The following CSDE1 variants were observed in gnomAD, a reference collection of about 807,000 sequenced individuals.
CSDE1 encodes the protein cold shock domain-containing protein E1.
CSDE1 carries 17 observed loss-of-function variants against 89.3 expected under a neutral mutation model. The ratio of observed to expected loss-of-function variants is 0.19; its 90% confidence interval spans 0.13 to 0.29. The LOEUF (loss-of-function observed/expected upper bound fraction) is 0.29, where lower values mean the gene tolerates loss of function less well. CSDE1 is among the 10% of genes least tolerant of loss of function. The pLI is 1.00. For missense variants in CSDE1, 672 were observed against 984.2 expected (o/e 0.68, Z 4.24); for synonymous variants, 322 against 332.8 (o/e 0.97, Z 0.35).
intron 3 of CSDE1, among the ~76,000 whole-genome samples, chr1:114,738,463 C>T (rs1348690239): frequency 6.6e-6 from 1 of 151,870 alleles, no homozygotes; most frequent in East Asian, 1.9e-4. Flanking sequence ...TTTTAAACTC[C>T]TCTGTACCTC....
At position 114,718,055 on chromosome 1, in the gene CSDE1, A is replaced by G; in HGVS notation, c.*114T>C. ...GTGTTAAAACTGGTGTAATAGCTCA[A>G]TAGAATAAGTATTCCAGATTTCGGG... is the stretch of plus-strand genomic sequence containing the variant. On this transcript the variant is annotated 3_prime_UTR_variant, in exon 20 of 20. Coordinates refer to ENST00000358528, the MANE Select transcript of CSDE1 (RefSeq NM_001007553.3). The G allele has an allele frequency of 2.9e-6, 3 of 1,035,194 alleles. No individual in the cohort carries two copies. The highest frequency in any genetic ancestry group is 4.5e-6 in the Non-Finnish European group (3 of 667,972). The allele number at this position is 1,035,194 out of a possible 1,614,324, so 64.1% of individuals were successfully genotyped here. A position where few individuals can be genotyped will look rare whatever the true frequency, so the allele number is the denominator to read the frequency against.
chr1:114,725,820 G>A (rs1471788880), intron 14 of CSDE1, among the ~76,000 whole-genome samples: 1 of 152,098 alleles, frequency 6.6e-6, no homozygotes, highest in Non-Finnish European at 1.5e-5. Context: ...AATTTTTGTG[G>A]AGATGGAGTT....
intron 2 of CSDE1, among the ~76,000 whole-genome samples, chr1:114,740,522 C>A (rs1329980971): frequency 1.3e-5 from 2 of 152,160 alleles, no homozygotes; most frequent in Non-Finnish European, 2.9e-5. Flanking sequence ...AAAAGCATTT[C>A]CATTTTAAAA....
rs372889272 is a variant in CSDE1 at position 114,718,263 on chromosome 1, CACA to C, written c.2350-50_2350-48del. 1,811 of 1,572,544 alleles carry C rather than the reference CACA, an allele frequency of 1.2e-3. 19 individuals are homozygous for C. The African/African-American group carries it at 0.022, about 19-fold the overall frequency. On this transcript the variant is annotated intron_variant, in intron 19 of 19. Transcript: ENST00000358528. ...AACCCTGCAGTTAATGATTTGAGCGCACAACAATCATAGTACATTCACTATTCC... is the reference window on the plus strand; with the variant it reads ...AACCCTGCAGTTAATGATTTGAGCGCACAATCATAGTACATTCACTATTCC...
At chr1:114,742,972 C>T (rs898461467) in intron 2 of CSDE1, among the ~76,000 whole-genome samples, 1 of 152,112 alleles carries the variant, frequency 6.6e-6, no homozygotes, top group African/African-American at 2.4e-5. Flanking sequence ...CTATTTGTAC[C>T]ACTGTGTTTT....
chr1:114,736,602 C>T (rs1481735426), intron 6 of CSDE1, among the ~76,000 whole-genome samples, 156 bp downstream of exon 6: 1 of 146,468 alleles, frequency 6.8e-6, no homozygotes, highest in Non-Finnish European at 1.5e-5. Context: ...GGCTGTAATA[C>T]AATATTCATA....
chr1:114,745,452 T>C (rs1450305246), intron 2 of CSDE1, among the ~76,000 whole-genome samples: 1 of 152,170 alleles, frequency 6.6e-6, no homozygotes, highest in African/African-American at 2.4e-5. Context: ...TACAGTATGA[T>C]TTCAAATGTA....
Position 114,753,156 on chromosome 1 carries a change from C to A in CSDE1, c.-387-2949G>T, listed in dbSNP as rs1661398259. On this transcript the variant is annotated intron_variant, in intron 1 of 19. Transcript: ENST00000358528. ...TAATGCTTTAGGTGTATTAATGAAC[C>A]CAAAGAACTCAACATGGAGAAAACA... Among the ~76,000 whole-genome samples, 3 of 152,200 alleles carry A rather than the reference C, an allele frequency of 2.0e-5. No individual in the cohort carries two copies. The South Asian group carries it at 6.2e-4, about 32-fold the overall frequency.
At chr1:114,750,542 T>C (rs1386025802) in intron 1 of CSDE1, among the ~76,000 whole-genome samples, 1 of 151,978 alleles carries the variant, frequency 6.6e-6, no homozygotes, top group Non-Finnish European at 1.5e-5. Flanking sequence ...AAGAAGTCCC[T>C]GCCATGAGAG....
chr1:114,722,431 G>T (rs1659578993), intron 16 of CSDE1, among the ~76,000 whole-genome samples: 1 of 152,238 alleles, frequency 6.6e-6, no homozygotes, highest in Non-Finnish European at 1.5e-5. Flanking sequence ...TTATATGCTA[G>T]AACGGTGTCC....
intron 2 of CSDE1, among the ~76,000 whole-genome samples, chr1:114,743,237 C>T (rs561489897): frequency 1.8e-4 from 27 of 152,246 alleles, no homozygotes; most frequent in African/African-American, 6.5e-4. Flanking sequence ...TGTCACCCAG[C>T]CTGGAGTGCA....
intron 16 of CSDE1, 81 bp downstream of exon 16, chr1:114,723,802 A>T: frequency 6.3e-7 from 1 of 1,582,076 alleles, no homozygotes; most frequent in Non-Finnish European, 8.7e-7. Flanking sequence ...CAACTGCAAT[A>T]AGCACCATAT....
chr1:114,718,831 T>G, intron 18 of CSDE1, 86 bp from the exon 19 acceptor site: 1 of 1,456,960 alleles, frequency 6.9e-7, no homozygotes, highest in Non-Finnish European at 9.4e-7. Flanking sequence ...TCCACCTAAC[T>G]GCCCAAATGA....
chr1:114,737,572 C>CAAA lies in CSDE1; in HGVS notation c.310-12_310-10dup. ...GGAACAGCGCACACAACCTACCAGT[C>CAAA]AAAAAAAAAAAAATTTCCATTGCTA... On this transcript the variant is annotated splice_polypyrimidine_tract_variant and intron_variant, in intron 4 of 19. Transcript: ENST00000358528. The CAAA allele has an allele frequency of 7.7e-7, 1 of 1,291,052 alleles. No individual in the cohort carries two copies. The highest frequency in any genetic ancestry group is 1.4e-5 in the South Asian group (1 of 72,358). 80.0% of individuals were successfully genotyped at this position (1,291,052 alleles called of 1,614,324 possible).
At position 114,730,551 on chromosome 1, in the gene CSDE1, T is replaced by C; in HGVS notation, c.1148A>G (p.Asn383Ser). ...TACTTCATCTGCAATATGGAGCTGGTTCCCATCCAGAATTTCACTGAAGTG... is the reference window on the plus strand; with the variant it reads ...TACTTCATCTGCAATATGGAGCTGGCTCCCATCCAGAATTTCACTGAAGTG... Reference protein sequence around the residue: ...FFHFSEILDGNQLHIADEVEF... With the variant: ...FFHFSEILDGSQLHIADEVEF... The change falls in exon 11 of 20, where the codon AAC becomes AGC. Residue 383 changes from asparagine to serine, a missense_variant. By Grantham distance (46) the Asn-to-Ser change is conservative. Coordinates refer to ENST00000358528, the MANE Select transcript of CSDE1 (RefSeq NM_001007553.3). 1 of 1,614,092 alleles carries C rather than the reference T, an allele frequency of 6.2e-7. No individual in the cohort carries two copies. The highest frequency in any genetic ancestry group is 8.5e-7 in the Non-Finnish European group (1 of 1,180,020).
chr1:114,733,901 A>C, intron 8 of CSDE1, 44 bp from the exon 9 acceptor site: 1 of 1,608,906 alleles, frequency 6.2e-7, no homozygotes, highest in Non-Finnish European at 8.5e-7. Context: ...CAGAGGAAGG[A>C]AGAATCACAT....
At chr1:114,725,111 G>A (rs181927257) in intron 15 of CSDE1, 110 bp downstream of exon 15, 24 of 827,080 alleles carry the variant, frequency 2.9e-5, no homozygotes, top group African/African-American at 1.3e-4. Context: ...CTATGGAATC[G>A]CACATGAGAA....
intron 10 of CSDE1, among the ~76,000 whole-genome samples, chr1:114,731,956 A>G (rs1161373107): frequency 6.6e-6 from 1 of 152,090 alleles, no homozygotes; most frequent in African/African-American, 2.4e-5. Context: ...TTAGGATTAC[A>G]GGTGCCCACC....
At chr1:114,753,155 C>G (rs569047912) in intron 1 of CSDE1, among the ~76,000 whole-genome samples, 5 of 152,256 alleles carry the variant, frequency 3.3e-5, no homozygotes, top group African/African-American at 1.2e-4. Flanking sequence ...TATTAATGAA[C>G]CCAAAGAACT....
Sources: allele counts gnomAD v4.1 joint callset (sites outside exome capture counted in the v4.1 genomes callset), GRCh38; gene constraint gnomAD v4.1.1; transcripts MANE v1.5; gene names NCBI Gene and HGNC (gene_info 2026-07-23, HGNC 2026-07-21).